PEPD: variants seen among roughly 807,000 people sequenced by gnomAD.
The protein encoded by PEPD is peptidase D.
A neutral mutation model predicts 60.7 loss-of-function variants in PEPD; 53 were observed. The ratio of observed to expected loss-of-function variants is 0.87; its 90% CI spans 0.70 to 1.10. The LOEUF is 1.10. Among genes scored for constraint, PEPD ranks in the 50% least tolerant of loss-of-function variants. PEPD has a pLI of 0.00. For synonymous variants in PEPD, 267 were observed against 284.1 expected, an observed-to-expected ratio of 0.94 and a Z score of 0.60; for missense variants, 711 against 711.9, an observed-to-expected ratio of 1.00 and a Z score of 0.01.
intron 11 of PEPD, among the ~76,000 whole-genome samples, chr19:33,410,480 G>A (rs1968738494): frequency 6.6e-6 from 1 of 152,228 alleles, no homozygotes; most frequent in Admixed American, 6.5e-5. Context: ...GTCCTTCAGT[G>A]GGCATGGCTG....
chr19:33,418,864 G>A (rs17694225), intron 9 of PEPD, among the ~76,000 whole-genome samples: 19,413 of 152,240 alleles, frequency 0.13, 1,611 homozygotes, highest in Non-Finnish European at 0.19. Flanking sequence ...CACCAAGAAG[G>A]GACTGACCTG....
chr19:33,391,387 T>C lies in PEPD; in HGVS notation c.1060A>G (p.Met354Val). ...MGILSGSVDA[M>V]VQAHLGAVFM... ...ACGGCCCCCAGGTGAGCCTGGACCA[T>C]GGCGTCCACGCTGCCGCTCAGGATG... The change falls in exon 13 of 15, where the codon ATG becomes GTG. Residue 354 changes from methionine to valine, a missense_variant. Met to Val is a conservative substitution (Grantham distance 21). Coordinates refer to ENST00000244137, the MANE Select transcript of PEPD (RefSeq NM_000285.4). 1 of 1,600,318 alleles carries C rather than the reference T, an allele frequency of 6.2e-7. No homozygotes were observed. The highest frequency in any genetic ancestry group is 8.5e-7 in the Non-Finnish European group (1 of 1,173,716).
chr19:33,415,012 C>A (rs547501225), intron 9 of PEPD, among the ~76,000 whole-genome samples: 1 of 152,322 alleles, frequency 6.6e-6, no homozygotes, highest in Non-Finnish European at 1.5e-5. Flanking sequence ...AGTCCAGGCA[C>A]GTTCCTACCA....
chr19:33,453,811 G>A (rs1969746863), intron 9 of PEPD, among the ~76,000 whole-genome samples: 2 of 152,200 alleles, frequency 1.3e-5, no homozygotes, highest in Non-Finnish European at 2.9e-5. Flanking sequence ...CTGAGGTAGT[G>A]TTATCAATGT....
rs1425843723 is a variant in PEPD, at chr19:33,391,145, C to T, written c.1152+150G>A. The T allele has an allele frequency of 1.4e-5, 10 of 717,644 alleles. No homozygotes were observed. In the East Asian group the frequency reaches 2.7e-4, roughly 19 times the overall value. The allele number at this position is 717,644 out of a possible 1,614,324, so 44.5% of individuals were successfully genotyped here. A position where few individuals can be genotyped will look rare whatever the true frequency, so the allele number is the denominator to read the frequency against. The stretch of plus-strand genomic sequence containing the variant: ...GCCAGGGTCCCGATTCCCCCCTCCT[C>T]ATGGCCTCCGTATACCACAGGGAGC... On this transcript the variant is annotated intron_variant, in intron 13 of 14. Transcript: ENST00000244137.
chr19:33,409,817 C>T (rs1271516217), intron 11 of PEPD, among the ~76,000 whole-genome samples: 3 of 152,246 alleles, frequency 2.0e-5, no homozygotes, highest in African/African-American at 7.2e-5. Context: ...TGCCTCTGGC[C>T]TCACACCTGG....
intron 10 of PEPD, 134 bp from the exon 11 acceptor site, chr19:33,411,883 C>G (rs575113603): frequency 7.1e-6 from 5 of 707,230 alleles, no homozygotes; most frequent in Non-Finnish European, 1.3e-5. Context: ...CGTGGCTGGA[C>G]CAGGTCCACA....
chr19:33,510,337 C>T (rs1003968699), intron 3 of PEPD, among the ~76,000 whole-genome samples: 5 of 150,994 alleles, frequency 3.3e-5, no homozygotes, highest in Non-Finnish European at 7.4e-5. Context: ...AAGGAAGAAG[C>T]TCCTCCATAT....
intron 2 of PEPD, among the ~76,000 whole-genome samples, chr19:33,511,847 C>T (rs182766187): frequency 6.3e-4 from 96 of 152,266 alleles, no homozygotes; most frequent in African/African-American, 2.1e-3. Flanking sequence ...TGCAGCTGCG[C>T]GAACAATGGA....
chr19:33,446,883 T>C (rs1246127512), intron 9 of PEPD, among the ~76,000 whole-genome samples: 1 of 152,216 alleles, frequency 6.6e-6, no homozygotes, highest in Non-Finnish European at 1.5e-5. Context: ...ACGAAGGGCA[T>C]CTAGCCCCTC....
At chr19:33,427,890 G>C (rs1482593846) in intron 9 of PEPD, among the ~76,000 whole-genome samples, 5 of 152,170 alleles carry the variant, frequency 3.3e-5, no homozygotes, top group African/African-American at 1.2e-4. Flanking sequence ...ATTGCTAGCA[G>C]GAATTGTGTG....
At chr19:33,430,549 G>T (rs1969247760) in intron 9 of PEPD, among the ~76,000 whole-genome samples, 1 of 152,180 alleles carries the variant, frequency 6.6e-6, no homozygotes, top group Non-Finnish European at 1.5e-5. Context: ...GTTTGCTACA[G>T]CAATAAGGTT....
At chr19:33,441,518 C>G (rs62100662) in intron 9 of PEPD, among the ~76,000 whole-genome samples, 19,300 of 152,290 alleles carry the variant, frequency 0.13, 1,615 homozygotes, top group Non-Finnish European at 0.19. Flanking sequence ...AGGCTGAATC[C>G]CTGGAGGGCT....
At chr19:33,458,606 G>A (rs1969863312) in intron 9 of PEPD, among the ~76,000 whole-genome samples, 1 of 144,616 alleles carries the variant, frequency 6.9e-6, no homozygotes, top group South Asian at 2.2e-4. Context: ...AGTATGGTGT[G>A]GGCGGTGTGT....
At chr19:33,478,872 C>T (rs371993940) in intron 6 of PEPD, among the ~76,000 whole-genome samples, 7 of 152,082 alleles carry the variant, frequency 4.6e-5, no homozygotes, top group South Asian at 2.1e-4. Context: ...CCTGAATCCA[C>T]GTGAAGAGAA....
chr19:33,494,000 C>T (rs905907477), intron 4 of PEPD, among the ~76,000 whole-genome samples: 4 of 152,250 alleles, frequency 2.6e-5, no homozygotes, highest in Non-Finnish European at 5.9e-5. Flanking sequence ...CTTAGTGCCT[C>T]ATCAATGTGC....
intron 11 of PEPD, among the ~76,000 whole-genome samples, chr19:33,410,011 A>G (rs1968726545): frequency 6.6e-6 from 1 of 152,202 alleles, no homozygotes; most frequent in Non-Finnish European, 1.5e-5. Context: ...CCCAGCCCCG[A>G]GCACGGTGGC....
At chr19:33,423,163 C>T (rs1178360519) in intron 9 of PEPD, among the ~76,000 whole-genome samples, 1 of 151,786 alleles carries the variant, frequency 6.6e-6, no homozygotes, top group Admixed American at 6.6e-5. Context: ...TAGGCTTGAG[C>T]TTTATCTTTT....
chr19:33,473,546 G>A (rs17834067), intron 7 of PEPD, among the ~76,000 whole-genome samples: 13,810 of 152,148 alleles, frequency 0.091, 654 homozygotes, highest in East Asian at 0.13. Context: ...ACACAGTCTC[G>A]CTTAAAACCC....
Sources: allele counts gnomAD v4.1 joint callset (sites outside exome capture counted in the v4.1 genomes callset), GRCh38; gene constraint gnomAD v4.1.1; transcripts MANE v1.5; gene names NCBI Gene and HGNC (gene_info 2026-07-23, HGNC 2026-07-21).